Variants in GRID1 observed in about 807,000 individuals in gnomAD.
GRID1 encodes the protein glutamate ionotropic receptor delta type subunit 1.
Under a neutral mutation model 98.0 loss-of-function variants are expected in GRID1, and 28 were observed. The ratio of observed to expected loss-of-function variants is 0.29; its 90% CI spans 0.21 to 0.39. The LOEUF (loss-of-function observed/expected upper bound fraction) is 0.39. Ranked by LOEUF, GRID1 falls within the 10% of genes least tolerant of loss-of-function variation. The probability of loss-of-function intolerance (pLI) is 1.00; values close to 1 mark genes in which losing one functional copy is unlikely to be tolerated. For missense variants in GRID1, 1,111 were observed against 1,340.5 expected, an observed-to-expected ratio of 0.83 and a Z score of 2.67; for synonymous variants, 553 against 538.5, an observed-to-expected ratio of 1.03 and a Z score of -0.37.
intron 8 of GRID1, among the ~76,000 whole-genome samples, chr10:85,804,871 T>A (rs1842608570): frequency 6.6e-6 from 1 of 151,862 alleles, no homozygotes; most frequent in African/African-American, 2.4e-5. Flanking sequence ...ACCTGAATAC[T>A]TTCTAATTAA....
intron 12 of GRID1, among the ~76,000 whole-genome samples, chr10:85,682,565 C>G (rs1198157341): frequency 1.3e-5 from 2 of 152,256 alleles, no homozygotes; most frequent in African/African-American, 4.8e-5. Context: ...TCACTGCTTG[C>G]AGATCACAAA....
chr10:86,046,881 A>T (rs1013507360), intron 4 of GRID1, among the ~76,000 whole-genome samples: 4 of 142,194 alleles, frequency 2.8e-5, no homozygotes, highest in African/African-American at 1.0e-4. Context: ...AAAAAAAAAA[A>T]GACAGAGACT....
intron 8 of GRID1, among the ~76,000 whole-genome samples, chr10:85,784,576 T>C (rs1842408913): frequency 6.6e-6 from 1 of 152,218 alleles, no homozygotes; most frequent in Admixed American, 6.5e-5. Flanking sequence ...ACTGCATTTA[T>C]CCTGTCCCAA....
At chr10:86,109,971 CTTTTTTT>C (rs56917207) in intron 4 of GRID1, among the ~76,000 whole-genome samples, 2 of 121,054 alleles carry the variant, frequency 1.7e-5, no homozygotes, top group Non-Finnish European at 1.7e-5. Flanking sequence ...CTCTGCCATT[CTTTTTTT>C]TTTTTTTTTT....
At chr10:85,672,093 A>T (rs1460323960) in intron 12 of GRID1, among the ~76,000 whole-genome samples, 1 of 152,230 alleles carries the variant, frequency 6.6e-6, no homozygotes, top group Non-Finnish European at 1.5e-5. Flanking sequence ...CATCCAGAAG[A>T]TCTAGCTAAG....
chr10:85,919,718 TAG>T (rs1283745287), intron 4 of GRID1, among the ~76,000 whole-genome samples: 6 of 152,204 alleles, frequency 3.9e-5, no homozygotes, highest in African/African-American at 1.4e-4. Context: ...GAGAACACTA[TAG>T]AGAGTTCCAG....
intron 4 of GRID1, among the ~76,000 whole-genome samples, chr10:85,960,748 G>A (rs1432698182): frequency 6.6e-6 from 1 of 152,232 alleles, no homozygotes; most frequent in Non-Finnish European, 1.5e-5. Flanking sequence ...ATTGAGCCTG[G>A]TTTAATCACT....
intron 2 of GRID1, among the ~76,000 whole-genome samples, chr10:86,323,619 G>C (rs1349209792): frequency 6.6e-6 from 1 of 152,212 alleles, no homozygotes; most frequent in Non-Finnish European, 1.5e-5. Context: ...GCAGAGAAGT[G>C]AGTGGCTGCC....
chr10:85,908,880 G>T (rs1482737899), intron 5 of GRID1, among the ~76,000 whole-genome samples: 3 of 152,120 alleles, frequency 2.0e-5, no homozygotes, highest in African/African-American at 4.8e-5. Flanking sequence ...AGTCCAGGCA[G>T]TTTTCAGATA....
At chr10:86,233,418 T>C (rs1284863747) in intron 2 of GRID1, among the ~76,000 whole-genome samples, 1 of 152,198 alleles carries the variant, frequency 6.6e-6, no homozygotes, top group African/African-American at 2.4e-5. Flanking sequence ...ATGCTATTAG[T>C]GTCCCAGCCA....
At chr10:86,140,516 C>T (rs895394805) in intron 3 of GRID1, among the ~76,000 whole-genome samples, 7 of 152,360 alleles carry the variant, frequency 4.6e-5, no homozygotes, top group Admixed American at 1.3e-4. Flanking sequence ...CACCACTAAG[C>T]GTAGTCCCAG....
intron 8 of GRID1, among the ~76,000 whole-genome samples, chr10:85,736,027 GAGGGAAGT>G (rs1407908082): frequency 7.4e-6 from 1 of 135,324 alleles, no homozygotes; most frequent in African/African-American, 2.8e-5. Context: ...GGGAGGGAAG[GAGGGAAGT>G]AGGGAGGGAG....
At chr10:85,889,827 A>G (rs1841169527) in intron 5 of GRID1, among the ~76,000 whole-genome samples, 1 of 152,174 alleles carries the variant, frequency 6.6e-6, no homozygotes, top group African/African-American at 2.4e-5. Flanking sequence ...TTTTCTCCGC[A>G]TCCTCATCAA....
chr10:85,613,545 G>T lies in GRID1; in HGVS notation c.2463C>A (p.Ala821=). Residue 821 remains alanine (A), a synonymous_variant, in exon 15 of 16, where the codon GCC becomes GCA. Transcript: ENST00000327946. ...CDLTSHASAQ[A]DGKSLKLHSF... ...TGTGCAGCTTGAGGGATTTGCCGTC[G>T]GCCTGGGCGCTGGCATGGCTGGTGA... The T allele has an allele frequency of 1.2e-6, 2 of 1,614,200 alleles. No individual in the cohort carries two copies.
intron 8 of GRID1, among the ~76,000 whole-genome samples, chr10:85,829,067 C>G (rs1842845035): frequency 6.6e-6 from 1 of 152,232 alleles, no homozygotes; most frequent in African/African-American, 2.4e-5. Flanking sequence ...CAGCAAAATA[C>G]TAGCAAACTG....
intron 2 of GRID1, among the ~76,000 whole-genome samples, chr10:86,224,957 C>A (rs903612721): frequency 2.0e-5 from 3 of 152,200 alleles, no homozygotes; most frequent in Non-Finnish European, 2.9e-5. Flanking sequence ...ATTTAGGAAC[C>A]GTGTTGAGGC....
At chr10:85,624,138 G>A (rs997575677) in intron 13 of GRID1, among the ~76,000 whole-genome samples, 10 of 152,200 alleles carry the variant, frequency 6.6e-5, no homozygotes, top group Non-Finnish European at 1.5e-5. Flanking sequence ...AGGCATGATA[G>A]GTGGTGAGCT....
rs1162030685 is a variant in GRID1, at chr10:85,634,291, T to TCTCTCTCTCTCTCTCTCA, written c.2193+12910_2193+12911insTGAGAGAGAGAGAGAGAG. On this transcript the variant is annotated intron_variant, in intron 13 of 15. Transcript: ENST00000327946. ...CTCTCTCTCTCTCTCTCTCTCTCTC[T>TCTCTCTCTCTCTCTCTCA]CACACACACACACACACACACACAG... is the stretch of plus-strand genomic sequence containing the variant. Among the ~76,000 whole-genome samples, 98 of 102,954 alleles carry TCTCTCTCTCTCTCTCTCA rather than the reference T, an allele frequency of 9.5e-4. 2 individuals are homozygous for TCTCTCTCTCTCTCTCTCA. Among genetic ancestry groups the TCTCTCTCTCTCTCTCTCA allele is most frequent in the African/African-American group, 2.5e-3 (62 of 24,416 alleles). 67.5% of individuals were successfully genotyped at this position (102,954 alleles called of 152,430 possible).
chr10:85,964,941 C>T (rs1264251968), intron 4 of GRID1, among the ~76,000 whole-genome samples: 1 of 151,922 alleles, frequency 6.6e-6, no homozygotes. Context: ...AACAAATTTA[C>T]AAGAAAAAAA....
Sources: allele counts gnomAD v4.1 joint callset (sites outside exome capture counted in the v4.1 genomes callset), GRCh38; gene constraint gnomAD v4.1.1; transcripts MANE v1.5; gene names NCBI Gene and HGNC (gene_info 2026-07-23, HGNC 2026-07-21).